CHAT: variants seen among roughly 807,000 people sequenced by gnomAD.
CHAT encodes choline O-acetyltransferase.
A neutral mutation model predicts 76.9 loss-of-function variants in CHAT; 61 were observed. That is an observed-to-expected ratio of 0.79 (90% CI 0.65 to 0.98). CHAT has a LOEUF of 0.98. Ranked by LOEUF, CHAT falls within the 50% of genes least tolerant of loss-of-function variation. The probability of loss-of-function intolerance (pLI) is 0.00; values close to 1 mark genes in which losing one functional copy is unlikely to be tolerated. For synonymous variants in CHAT, 407 were observed against 397.4 expected, an observed-to-expected ratio of 1.02 and a Z score of -0.29; for missense variants, 946 against 986.9, an observed-to-expected ratio of 0.96 and a Z score of 0.56.
At chr10:49,621,972 G>T in intron 4 of CHAT, 125 bp from the exon 5 acceptor site, 2 of 1,003,196 alleles carry the variant, frequency 2.0e-6, no homozygotes, top group Non-Finnish European at 1.6e-6. Context: ...AGGAGGGAGG[G>T]AGAAGGGAGG....
chr10:49,615,479 T>G (rs889659491), intron 1 of CHAT, among the ~76,000 whole-genome samples: 1 of 152,186 alleles, frequency 6.6e-6, no homozygotes, highest in African/African-American at 2.4e-5. Flanking sequence ...TTCTGGACTC[T>G]CTGTTCCTGG....
chr10:49,620,691 A>G (rs971742223), intron 4 of CHAT, 78 bp downstream of exon 4: 1 of 1,172,954 alleles, frequency 8.5e-7, no homozygotes, highest in Non-Finnish European at 1.3e-6. Flanking sequence ...CCAGCAAAGA[A>G]AGGCCAAAGC....
intron 2 of CHAT, among the ~76,000 whole-genome samples, chr10:49,618,094 T>A (rs1473931492): frequency 6.6e-6 from 1 of 152,204 alleles, no homozygotes; most frequent in African/African-American, 2.4e-5. Flanking sequence ...CCTCACTGTC[T>A]ACCAGTGTGT....
chr10:49,650,658 C>A (rs1028151852), intron 10 of CHAT, among the ~76,000 whole-genome samples: 11 of 152,282 alleles, frequency 7.2e-5, no homozygotes, highest in African/African-American at 2.4e-4. Context: ...GGGCCTAGAG[C>A]CTGCCCTGCC....
At chr10:49,661,465 C>T (rs1840191967) in intron 13 of CHAT, 1 of 152,204 alleles carries the variant, frequency 6.6e-6, no homozygotes, top group African/African-American at 2.4e-5. Context: ...TCTTTTCAGC[C>T]TCTAATTAGG....
upstream of CHAT, chr10:49,612,370 C>A (rs1214897578): frequency 1.9e-6 from 3 of 1,553,694 alleles, no homozygotes; most frequent in African/African-American, 4.1e-5. Context: ...CCCACCCAAC[C>A]GCCTTGGGTC....
intron 3 of CHAT, 73 bp from the exon 4 acceptor site, chr10:49,620,422 C>A (rs956109341): frequency 2.0e-6 from 2 of 1,016,142 alleles, no homozygotes; most frequent in Admixed American, 3.4e-5. Flanking sequence ...TGAAGTGTCC[C>A]GATTTTCTCT....
chr10:49,616,557 G>T lies in CHAT; in HGVS notation c.342G>T (p.Lys114Asn). 1 of 1,613,178 alleles carries T rather than the reference G, an allele frequency of 6.2e-7. No individual in the cohort carries two copies. The highest frequency in any genetic ancestry group is 8.5e-7 in the Non-Finnish European group (1 of 1,179,538). ...TCACCAAGACGCCCATCCTGGAAAA[G>T]GTCCCCCGTAAGATGGCAGCAAAAA... is the stretch of plus-strand genomic sequence containing the variant. ...PGLTKTPILE[K>N]VPRKMAAKTP... The change falls in exon 2 of 15, where the codon AAG becomes AAT. Residue 114 changes from lysine to asparagine, a missense_variant. Around this residue, in one of 3 missense-constraint regions of CHAT, gnomAD observed 548 missense variants for 516.2 expected, o/e 1.06. Coordinates refer to ENST00000337653, the MANE Select transcript of CHAT (RefSeq NM_020549.5).
At chr10:49,653,219 C>T (rs1006501274) in intron 11 of CHAT, among the ~76,000 whole-genome samples, 1 of 151,910 alleles carries the variant, frequency 6.6e-6, no homozygotes, top group African/African-American at 2.4e-5. Context: ...GACCTGGTGG[C>T]CCAGGTAGCT....
intron 14 of CHAT, 75 bp downstream of exon 14, chr10:49,662,857 A>C (rs960148020): frequency 8.4e-5 from 133 of 1,579,754 alleles, no homozygotes; most frequent in Non-Finnish European, 1.1e-4. Context: ...CAACAAGCCC[A>C]CTAGCTGGAA....
At position 49,662,682 on chromosome 10, in the gene CHAT, C is replaced by T. The variant is rs1840230136; in HGVS notation, c.1877C>T (p.Ala626Val). The T allele has an allele frequency of 6.2e-7, 1 of 1,614,108 alleles. No homozygotes were observed. Among genetic ancestry groups the T allele is most frequent in the African/African-American group, 1.3e-5 (1 of 74,938 alleles). Residue 626 changes from alanine (A) to valine (V), a missense_variant, in exon 14 of 15, where the codon GCA becomes GTA. By Grantham distance (64) the Ala-to-Val change is moderately conservative. Transcript: ENST00000337653. Reference sequence around the variant, plus strand: ...ATGGCCATTGACAACCACCTGCTGGCACTGCGGGAGCTGGCCCGGGCCATG... The same window carrying T: ...ATGGCCATTGACAACCACCTGCTGGTACTGCGGGAGCTGGCCCGGGCCATG... Reference protein sequence around the residue: ...TGMAIDNHLLALRELARAMCK... With the variant: ...TGMAIDNHLLVLRELARAMCK...
In CHAT at chr10:49,614,383, C is replaced by T. The variant is rs1406501931; in HGVS notation, c.194C>T (p.Thr65Ile). The T allele has an allele frequency of 1.3e-6, 2 of 1,544,242 alleles. No individual in the cohort carries two copies. Among genetic ancestry groups the T allele is most frequent in the African/African-American group, 2.7e-5 (2 of 72,850 alleles). The change falls in exon 1 of 15, where the codon ACA becomes ATA. Residue 65 changes from threonine (T) to isoleucine (I), a missense_variant. Physicochemically the swap from Thr to Ile is moderately conservative, Grantham distance 89. Coordinates refer to ENST00000337653, the MANE Select transcript of CHAT (RefSeq NM_020549.5). ...TGCAGCCCCCACCCCCGCGCTGCGA[C>T]ACGCCCCCCACCCCTTCCGGCTCAC... ...PGCSPHPRAA[T>I]RPPPLPAHTP...
chr10:49,655,122 C>G lies in CHAT; in HGVS notation c.1662C>G (p.Tyr554Ter). Residue 554 changes from tyrosine to a stop codon, truncating the protein, a stop_gained, in exon 12 of 15, where the codon TAC becomes TAG. Transcript: ENST00000337653. LOFTEE classifies it high-confidence loss of function. ...TCCATCGAAGACTGGTGCCCACCTA[C>G]GAGAGCGCGTCCATCCGCCGATTCC... ...YRLHRRLVPTYESASIRRFQE... is the reference protein window; with the variant it reads ...YRLHRRLVPT 1 of 1,614,132 alleles carries G rather than the reference C, an allele frequency of 6.2e-7. No homozygotes were observed. The highest frequency in any genetic ancestry group is 8.5e-7 in the Non-Finnish European group (1 of 1,180,028).
intron 3 of CHAT, among the ~76,000 whole-genome samples, 197 bp from the exon 4 acceptor site, chr10:49,620,298 A>C (rs1287618365): frequency 6.6e-6 from 1 of 152,160 alleles, no homozygotes; most frequent in Non-Finnish European, 1.5e-5. Context: ...CTGGGACAGA[A>C]GAAAGGAGAC....
intron 8 of CHAT, chr10:49,647,995 G>A (rs529962226): frequency 5.3e-6 from 1 of 190,074 alleles, no homozygotes; most frequent in South Asian, 1.1e-4. Context: ...CTGGTCTCAG[G>A]ATAGCAAGGC....
In CHAT at chr10:49,627,739, T is replaced by G; in HGVS notation, c.1065T>G (p.Ser355=). 6.2e-7 allele frequency: 1 copy of G among 1,614,064 alleles called. No homozygotes were observed. Among genetic ancestry groups the G allele is most frequent in the Non-Finnish European group, 8.5e-7 (1 of 1,179,914 alleles). The part of the protein sequence containing the change: ...ERLPPIGLLT[S]DGRSEWAEAR... ...TGCCTCCAATTGGCCTGCTGACGTCTGACGGGAGGAGCGAGTGGGCCGAGG... is the reference window on the plus strand; with the variant it reads ...TGCCTCCAATTGGCCTGCTGACGTCGGACGGGAGGAGCGAGTGGGCCGAGG... The change falls in exon 7 of 15, where the codon TCT becomes TCG. Residue 355 remains serine (S), a synonymous_variant. Transcript: ENST00000337653.
At position 49,614,376 on chromosome 10, in the gene CHAT, G is replaced by T. The variant is rs751539916; in HGVS notation, c.187G>T (p.Ala63Ser). ...CCCAGGCTGCAGCCCCCACCCCCGC[G>T]CTGCGACACGCCCCCCACCCCTTCC... is the stretch of plus-strand genomic sequence containing the variant. ...GNPGCSPHPR[A>S]ATRPPPLPAH... Residue 63 changes from alanine (A) to serine (S), a missense_variant, in exon 1 of 15, where the codon GCT becomes TCT. Physicochemically the swap from Ala to Ser is moderately conservative, Grantham distance 99 (BLOSUM62 1). This residue lies in a region of CHAT where 548 missense variants were observed against 516.2 expected (regional missense o/e 1.06). Transcript: ENST00000337653. 2 of 1,537,752 alleles carry T rather than the reference G, an allele frequency of 1.3e-6. No individual in the cohort carries two copies. The highest frequency in any genetic ancestry group is 2.4e-5 in the South Asian group (2 of 83,658).
upstream of CHAT, chr10:49,613,970 C>A: frequency 1.3e-6 from 1 of 794,084 alleles, no homozygotes; most frequent in Non-Finnish European, 2.0e-6. Flanking sequence ...AGACCCAACC[C>A]TCTCCAGGAT....
Position 49,616,561 on chromosome 10 carries a change from C to T in CHAT, c.346C>T (p.Pro116Ser). Reference sequence around the variant, plus strand: ...CAAGACGCCCATCCTGGAAAAGGTCCCCCGTAAGATGGCAGCAAAAACTCC... The same window carrying T: ...CAAGACGCCCATCCTGGAAAAGGTCTCCCGTAAGATGGCAGCAAAAACTCC... The part of the protein sequence containing the change: ...LTKTPILEKV[P>S]RKMAAKTPSS... Residue 116 changes from proline to serine, a missense_variant, in exon 2 of 15, where the codon CCC (proline) becomes TCC (serine). Physicochemically the swap from Pro to Ser is moderately conservative, Grantham distance 74 (BLOSUM62 -1). Coordinates refer to ENST00000337653, the MANE Select transcript of CHAT (RefSeq NM_020549.5). 1.2e-6 allele frequency: 2 copies of T among 1,613,098 alleles called. No homozygotes were observed. The highest frequency in any genetic ancestry group is 1.7e-6 in the Non-Finnish European group (2 of 1,179,486).
Sources: gnomAD v4.1 joint callset for allele counts (sites outside exome capture counted in the v4.1 genomes callset) on GRCh38, gnomAD v4.1.1 for gene constraint, gnomAD v4.1.1 regional missense constraint, MANE v1.5 for transcripts, NCBI Gene and HGNC (gene_info 2026-07-23, HGNC 2026-07-21) for gene names.